The following KCNAB1 variants were observed in gnomAD, a reference collection of about 807,000 sequenced individuals.
KCNAB1 encodes the protein voltage-gated potassium channel subunit beta-1.
KCNAB1 carries 35 observed loss-of-function variants against 64.6 expected under a neutral mutation model. The ratio of observed to expected loss-of-function variants is 0.54; its 90% confidence interval spans 0.41 to 0.72. The LOEUF (loss-of-function observed/expected upper bound fraction) is 0.72, where lower values mean the gene tolerates loss of function less well. KCNAB1 is among the 30% of genes least tolerant of loss of function. The pLI is 0.00. For synonymous variants in KCNAB1, 177 were observed against 183.8 expected, an observed-to-expected ratio of 0.96 and a Z score of 0.30; for missense variants, 401 against 512.9, an observed-to-expected ratio of 0.78 and a Z score of 2.11.
intron 3 of KCNAB1, chr3:156,457,145 A>G: frequency 9.6e-7 from 1 of 1,038,008 alleles, no homozygotes; most frequent in South Asian, 2.8e-5. Flanking sequence ...AGAAAGATTA[A>G]GATGCCATAA....
At chr3:156,305,954 A>G (rs1423691360) in intron 1 of KCNAB1, among the ~76,000 whole-genome samples, 1 of 152,192 alleles carries the variant, frequency 6.6e-6, no homozygotes, top group Non-Finnish European at 1.5e-5. Context: ...GTGGGTCAGC[A>G]TAAGGTAGCG....
intron 1 of KCNAB1, among the ~76,000 whole-genome samples, chr3:156,289,643 A>G (rs1354157062): frequency 6.6e-6 from 1 of 152,190 alleles, no homozygotes; most frequent in African/African-American, 2.4e-5. Flanking sequence ...CTTCTCAATC[A>G]CTGAACATTA....
rs1355648949 is a variant in KCNAB1 at position 156,285,065 on chromosome 3, C to A, written c.276-136551C>A. Among the ~76,000 whole-genome samples, 7 of 152,140 alleles carry A rather than the reference C, an allele frequency of 4.6e-5. No homozygotes were observed. In the East Asian group the frequency reaches 1.3e-3, roughly 29 times the overall value. ...GTACAAGAGTGAAACTGGAGGGAGGCAGCGTGAGTTTAAAAAGATTCTTTT... is the reference window on the plus strand; with the variant it reads ...GTACAAGAGTGAAACTGGAGGGAGGAAGCGTGAGTTTAAAAAGATTCTTTT... On this transcript the variant is annotated intron_variant, in intron 1 of 13. Coordinates refer to ENST00000490337, the MANE Select transcript of KCNAB1 (RefSeq NM_172160.3).
At chr3:156,246,885 G>C (rs986384386) in intron 1 of KCNAB1, among the ~76,000 whole-genome samples, 1 of 152,122 alleles carries the variant, frequency 6.6e-6, no homozygotes, top group African/African-American at 2.4e-5. Flanking sequence ...TTTTGTGTAA[G>C]TGCTCTGTAA....
chr3:156,328,139 A>G (rs1179065114), intron 1 of KCNAB1, among the ~76,000 whole-genome samples: 1 of 152,198 alleles, frequency 6.6e-6, no homozygotes, highest in African/African-American at 2.4e-5. Context: ...AGACACAAAA[A>G]TGCTTGGCCT....
intron 1 of KCNAB1, among the ~76,000 whole-genome samples, chr3:156,179,327 C>A (rs1412097819): frequency 6.6e-6 from 1 of 151,938 alleles, no homozygotes; most frequent in African/African-American, 2.4e-5. Flanking sequence ...TTATACCTTT[C>A]CTTTCCATTC....
At chr3:156,465,536 A>G (rs943044149) in intron 6 of KCNAB1, 107 bp from the exon 7 acceptor site, 2 of 942,062 alleles carry the variant, frequency 2.1e-6, no homozygotes, top group Admixed American at 1.8e-5. Flanking sequence ...CCAGTGGTGT[A>G]GAATTTGATA....
intron 1 of KCNAB1, among the ~76,000 whole-genome samples, chr3:156,163,091 A>G (rs1258625609): frequency 1.3e-5 from 2 of 152,248 alleles, no homozygotes; most frequent in African/African-American, 4.8e-5. Flanking sequence ...GCTATCCTAT[A>G]TGGTAGCCAC....
At chr3:156,459,945 A>G in intron 5 of KCNAB1, 74 bp downstream of exon 5, 4 of 1,051,790 alleles carry the variant, frequency 3.8e-6, no homozygotes, top group Non-Finnish European at 5.8e-6. Context: ...ATAAAATTAT[A>G]TGACACCTGA....
intron 1 of KCNAB1, among the ~76,000 whole-genome samples, chr3:156,268,677 G>A (rs924968346): frequency 9.9e-5 from 15 of 152,048 alleles, no homozygotes; most frequent in Non-Finnish European, 2.2e-4. Flanking sequence ...CCTCTTTGGA[G>A]AATCAGATAT....
chr3:156,525,529 G>A (rs1718253101), intron 12 of KCNAB1, among the ~76,000 whole-genome samples: 1 of 152,030 alleles, frequency 6.6e-6, no homozygotes, highest in Non-Finnish European at 1.5e-5. Context: ...TTTGTTTTTT[G>A]TTTTGAGACG....
At chr3:156,519,125 A>T (rs376629085) in intron 11 of KCNAB1, among the ~76,000 whole-genome samples, 7 of 152,306 alleles carry the variant, frequency 4.6e-5, no homozygotes, top group East Asian at 1.9e-4. Flanking sequence ...TACAAGATTT[A>T]CTGTAGTAGC....
At chr3:156,170,529 C>T (rs1244229406) in intron 1 of KCNAB1, among the ~76,000 whole-genome samples, 1 of 152,204 alleles carries the variant, frequency 6.6e-6, no homozygotes, top group African/African-American at 2.4e-5. Flanking sequence ...GTGATAGATA[C>T]TACCCATCAA....
chr3:156,519,248 A>G (rs1018980430), intron 11 of KCNAB1, among the ~76,000 whole-genome samples: 2 of 152,210 alleles, frequency 1.3e-5, no homozygotes, highest in African/African-American at 4.8e-5. Flanking sequence ...AAAATCCTCT[A>G]ATGATTTCCC....
intron 1 of KCNAB1, among the ~76,000 whole-genome samples, chr3:156,148,931 A>T (rs1560108362): frequency 6.6e-6 from 1 of 151,628 alleles, no homozygotes; most frequent in South Asian, 2.1e-4. Flanking sequence ...TATCTCACAC[A>T]TGGGCTCCTA....
chr3:156,303,406 AC>A (rs1192266659), intron 1 of KCNAB1, among the ~76,000 whole-genome samples: 1 of 152,156 alleles, frequency 6.6e-6, no homozygotes, highest in East Asian at 1.9e-4. Flanking sequence ...TTAAAACTCA[AC>A]CTTTGCCTAT....
At chr3:156,403,983 G>A (rs1714078936) in intron 1 of KCNAB1, among the ~76,000 whole-genome samples, 1 of 151,774 alleles carries the variant, frequency 6.6e-6, no homozygotes, top group South Asian at 2.1e-4. Context: ...TAACCAAGGT[G>A]CATGGCCTCC....
chr3:156,148,624 T>A (rs993517289), intron 1 of KCNAB1, among the ~76,000 whole-genome samples: 8 of 152,220 alleles, frequency 5.3e-5, no homozygotes, highest in Non-Finnish European at 1.0e-4. Context: ...AAGTCACATA[T>A]GTGAAAGTGC....
In KCNAB1 at chr3:156,312,703, C is replaced by CAAAAAAAAAAAAAA. The variant is rs397991453; in HGVS notation, c.276-108898_276-108885dup. Among the ~76,000 whole-genome samples, 155 of 27,422 alleles carry CAAAAAAAAAAAAAA rather than the reference C, an allele frequency of 5.7e-3. 11 individuals carry two copies. Among genetic ancestry groups the CAAAAAAAAAAAAAA allele is most frequent in the Non-Finnish European group, 7.7e-3 (108 of 14,076 alleles). The allele number at this position is 27,422 out of a possible 152,430, so 18.0% of individuals were successfully genotyped here. ...CTAGGTGACAGAGTGAGACTGTCTC[C>CAAAAAAAAAAAAAA]AAAAAAAAAAAAAAAAAAAAAAAAA... On this transcript the variant is annotated intron_variant, in intron 1 of 13. Transcript: ENST00000490337.
Sources: gnomAD v4.1 joint callset for allele counts (sites outside exome capture counted in the v4.1 genomes callset) on GRCh38, gnomAD v4.1.1 for gene constraint, MANE v1.5 for transcripts, NCBI Gene and HGNC (gene_info 2026-07-23, HGNC 2026-07-21) for gene names.